Variants in FRMPD3 observed in about 807,000 individuals in gnomAD.
The protein encoded by FRMPD3 is FERM and PDZ domain-containing protein 3.
Under a neutral mutation model 97.9 loss-of-function variants are expected in FRMPD3, and 42 were observed. That is an observed-to-expected ratio of 0.43 (90% CI 0.34 to 0.55). The LOEUF (loss-of-function observed/expected upper bound fraction) is 0.55. FRMPD3 is among the 20% of genes least tolerant of loss of function. The pLI is 0.03. For missense variants in FRMPD3, 1,303 were observed against 1,457.7 expected, an observed-to-expected ratio of 0.89 and a Z score of 1.73; for synonymous variants, 577 against 581.1, an observed-to-expected ratio of 0.99 and a Z score of 0.10.
At chrX:107,515,080 T>A (rs1050486234) in intron 1 of FRMPD3, among the ~76,000 whole-genome samples, 1 of 111,834 alleles carries the variant, frequency 8.9e-6, no homozygotes, top group Non-Finnish European at 1.9e-5. Context: ...AAATTAAACA[T>A]GTCAGAGTAT....
chrX:107,585,044 G>A (rs373683017), intron 13 of FRMPD3, among the ~76,000 whole-genome samples: 7 of 111,699 alleles, frequency 6.3e-5, no homozygotes, highest in Admixed American at 9.5e-5. Context: ...CAGTATGGCC[G>A]TTTTCACAAT....
chrX:107,584,907 G>A (rs761175205), intron 13 of FRMPD3, among the ~76,000 whole-genome samples: 43 of 111,813 alleles, frequency 3.8e-4, no homozygotes, highest in Non-Finnish European at 7.3e-4. Flanking sequence ...TTTTTGCTTA[G>A]GATTGTCTTG....
intron 2 of FRMPD3, among the ~76,000 whole-genome samples, chrX:107,528,235 A>T (rs917275894): frequency 1.8e-5 from 2 of 111,883 alleles, no homozygotes; most frequent in African/African-American, 6.5e-5. Context: ...AATGCACAGG[A>T]CTTGTTTGGT....
At chrX:107,515,886 A>C (rs112762525) in intron 1 of FRMPD3, among the ~76,000 whole-genome samples, 9 of 111,069 alleles carry the variant, frequency 8.1e-5, no homozygotes, top group African/African-American at 2.3e-4. Context: ...CCATTTTTTT[A>C]AATTATACTT....
chrX:107,571,496 G>A (rs2147611304), intron 12 of FRMPD3, among the ~76,000 whole-genome samples: 1 of 112,345 alleles, frequency 8.9e-6, no homozygotes, highest in East Asian at 2.8e-4. Context: ...AGAGGCTCCT[G>A]ATGAGCTGTG....
chrX:107,581,324 T>A (rs933744871), intron 13 of FRMPD3, among the ~76,000 whole-genome samples: 1 of 110,616 alleles, frequency 9.0e-6, no homozygotes, highest in Non-Finnish European at 1.9e-5. Context: ...TTGGCCAGGC[T>A]GGTCTCAAAC....
chrX:107,485,285 G>A (rs1332206911), intron 1 of FRMPD3, among the ~76,000 whole-genome samples: 3 of 112,253 alleles, frequency 2.7e-5, no homozygotes, highest in East Asian at 2.8e-4. Context: ...AGGACTGGGC[G>A]AGTCTTTGCA....
intron 1 of FRMPD3, among the ~76,000 whole-genome samples, chrX:107,499,914 A>G (rs1257819470): frequency 2.7e-5 from 3 of 111,293 alleles, no homozygotes; most frequent in Non-Finnish European, 5.7e-5. Flanking sequence ...CTATAACCTC[A>G]GCCACCTATA....
intron 1 of FRMPD3, among the ~76,000 whole-genome samples, chrX:107,480,340 G>T (rs762318961): frequency 6.3e-5 from 7 of 111,677 alleles, no homozygotes; most frequent in Non-Finnish European, 9.4e-5. Context: ...TGAGCCAGTC[G>T]TCAACTCTGA....
intron 12 of FRMPD3, among the ~76,000 whole-genome samples, chrX:107,575,759 C>T (rs1437101214): frequency 1.8e-5 from 2 of 112,447 alleles, no homozygotes; most frequent in Admixed American, 9.4e-5. Flanking sequence ...CCGAGCATGA[C>T]GCTCTGAGCA....
At chrX:107,454,935 A>G (rs1260566170) in intron 1 of FRMPD3, among the ~76,000 whole-genome samples, 1 of 111,854 alleles carries the variant, frequency 8.9e-6, no homozygotes, top group Non-Finnish European at 1.9e-5. Context: ...GTCCAGGAAT[A>G]TGCATTTTAA....
intron 13 of FRMPD3, among the ~76,000 whole-genome samples, chrX:107,595,476 C>T (rs774824084): frequency 2.4e-4 from 27 of 111,172 alleles, no homozygotes; most frequent in African/African-American, 6.2e-4. Context: ...TCCTAACATA[C>T]GGTTTATTCA....
rs761487802 is a variant in FRMPD3, at chrX:107,602,822, C to T, written c.4783C>T (p.Arg1595Trp). The T allele has an allele frequency of 3.9e-5, 47 of 1,208,374 alleles. No homozygotes were observed. Among genetic ancestry groups the T allele is most frequent in the Non-Finnish European group, 4.5e-5 (40 of 894,534 alleles). Residue 1595 changes from arginine (R) to tryptophan (W), a missense_variant, in exon 15 of 15, where the codon CGG (arginine) becomes TGG (tryptophan). Coordinates refer to ENST00000683843, the MANE Select transcript of FRMPD3 (RefSeq NM_001388459.1). ...YGLPDGFLAA[R>W]LDTNELLTVL... ...CCTCCCTGATGGCTTCCTGGCTGCC[C>T]GGCTGGACACCAACGAGCTGCTGAC...
intron 4 of FRMPD3, among the ~76,000 whole-genome samples, chrX:107,540,824 T>C (rs1921260672): frequency 8.9e-6 from 1 of 112,472 alleles, no homozygotes; most frequent in African/African-American, 3.2e-5. Flanking sequence ...CTTCCAGAGA[T>C]TCTAACTTTT....
rs746778844 is a variant in FRMPD3 at position 107,530,450 on chromosome X, G to A, written c.190G>A (p.Val64Met). Residue 64 changes from valine (V) to methionine (M), a missense_variant, in exon 3 of 15, where the codon GTG becomes ATG. By Grantham distance (21) the Val-to-Met change is conservative (BLOSUM62 1). This residue lies in a region of FRMPD3 where 535 missense variants were observed against 618.6 expected (regional missense o/e 0.86). Coordinates refer to ENST00000683843, the MANE Select transcript of FRMPD3 (RefSeq NM_001388459.1). ...CAAGCTCCTGGCTGGTGACCAGATT[G>A]TGGCTATTAATGAGGAAGACGTGAG... Reference protein sequence around the residue: ...ENKLLAGDQIVAINEEDVSEA... With the variant: ...ENKLLAGDQIMAINEEDVSEA... 1 of 1,197,854 alleles carries A rather than the reference G, an allele frequency of 8.3e-7. No homozygotes were observed. Among genetic ancestry groups the A allele is most frequent in the South Asian group, 1.8e-5 (1 of 54,527 alleles).
intron 1 of FRMPD3, among the ~76,000 whole-genome samples, chrX:107,480,824 CAA>C (rs59051211): frequency 1.6e-4 from 5 of 30,916 alleles, no homozygotes; most frequent in Admixed American, 3.8e-4. Context: ...GAAACTCCGT[CAA>C]AAAAAAAAAA....
chrX:107,527,837 A>C (rs188354727), intron 2 of FRMPD3, among the ~76,000 whole-genome samples: 119 of 111,305 alleles, frequency 1.1e-3, no homozygotes, highest in Middle Eastern at 9.3e-3. Flanking sequence ...GAGGAAAAAA[A>C]ACACACACAC....
intron 12 of FRMPD3, among the ~76,000 whole-genome samples, chrX:107,568,909 GA>G (rs1414758723): frequency 1.1e-5 from 1 of 87,951 alleles, no homozygotes; most frequent in African/African-American, 8.1e-5. Context: ...AAATGAAAGA[GA>G]GAGAGAGAGA....
intron 1 of FRMPD3, among the ~76,000 whole-genome samples, chrX:107,504,634 TAA>T (rs1372543562): frequency 1.8e-5 from 2 of 112,108 alleles, no homozygotes; most frequent in Non-Finnish European, 3.8e-5. Flanking sequence ...AAGAGCAAGC[TAA>T]AGACCTTCCC....
Sources: allele counts gnomAD v4.1 joint callset (sites outside exome capture counted in the v4.1 genomes callset), GRCh38; gene constraint gnomAD v4.1.1; regional missense constraint gnomAD v4.1.1; transcripts MANE v1.5; gene names NCBI Gene and HGNC (gene_info 2026-07-23, HGNC 2026-07-21).